Variants in DOCK8 observed in about 807,000 individuals in gnomAD.
DOCK8 encodes the protein dedicator of cytokinesis 8, also known as dedicator of cytokinesis protein 8.
A neutral mutation model predicts 245.6 loss-of-function variants in DOCK8; 141 were observed. That is an observed-to-expected ratio of 0.57 (90% CI 0.50 to 0.66). The LOEUF is 0.66. Ranked by LOEUF, DOCK8 falls within the 30% of genes least tolerant of loss-of-function variation. DOCK8 has a pLI of 0.00. For synonymous variants in DOCK8, 1,168 were observed against 970.2 expected, an observed-to-expected ratio of 1.20 and a Z score of -3.79; for missense variants, 2,965 against 2,603.4, an observed-to-expected ratio of 1.14 and a Z score of -3.02.
intron 26 of DOCK8, among the ~76,000 whole-genome samples, chr9:404,455 A>G (rs572740605): frequency 2.6e-5 from 4 of 152,258 alleles, no homozygotes; most frequent in Admixed American, 6.5e-5. Context: ...CAACTTTCCA[A>G]TGGGGCCTTT....
chr9:396,367 G>A (rs897937186), intron 24 of DOCK8, among the ~76,000 whole-genome samples: 1 of 152,186 alleles, frequency 6.6e-6, no homozygotes, highest in Non-Finnish European at 1.5e-5. Context: ...GAACAGAAAA[G>A]ACTTTAGTTC....
intron 14 of DOCK8, 156 bp downstream of exon 14, chr9:340,477 T>G: frequency 2.2e-6 from 2 of 913,002 alleles, no homozygotes; most frequent in Non-Finnish European, 1.7e-6. Flanking sequence ...AAAATTTAGC[T>G]GGGCATGGTG....
chr9:295,583 G>A (rs540389644), intron 4 of DOCK8, among the ~76,000 whole-genome samples: 2 of 152,300 alleles, frequency 1.3e-5, no homozygotes, highest in Non-Finnish European at 1.5e-5. Flanking sequence ...GGGGGGACCT[G>A]CCTTCCTCTG....
At chr9:316,947 A>AGCCGTG in intron 6 of DOCK8, 96 bp from the exon 7 acceptor site, 1 of 961,058 alleles carries the variant, frequency 1.0e-6, no homozygotes, top group East Asian at 2.4e-5. Context: ...AGTTAACTTG[A>AGCCGTG]GCCGTGGAGG....
chr9:283,244 A>G (rs2048666863), intron 2 of DOCK8, among the ~76,000 whole-genome samples: 1 of 152,236 alleles, frequency 6.6e-6, no homozygotes, highest in Admixed American at 6.5e-5. Flanking sequence ...TAAAATGAGC[A>G]TACAGGCTGA....
chr9:397,002 GA>G (rs1314985416), intron 25 of DOCK8, 68 bp downstream of exon 25: 1 of 1,483,114 alleles, frequency 6.7e-7, no homozygotes, highest in African/African-American at 1.4e-5. Flanking sequence ...CATAATCAGA[GA>G]AAAATAAGCA....
chr9:244,503 G>T (rs1402030136), intron 1 of DOCK8, among the ~76,000 whole-genome samples: 1 of 152,088 alleles, frequency 6.6e-6, no homozygotes, highest in East Asian at 1.9e-4. Flanking sequence ...GTCACAATTT[G>T]TAAGTCCTAA....
chr9:224,475 C>T (rs954125826), intron 1 of DOCK8, among the ~76,000 whole-genome samples: 3 of 152,082 alleles, frequency 2.0e-5, no homozygotes, highest in African/African-American at 7.2e-5. Flanking sequence ...ATATTTTGGC[C>T]TTCGTATGGC....
intron 24 of DOCK8, among the ~76,000 whole-genome samples, chr9:391,288 C>T (rs1263967268): frequency 2.0e-5 from 3 of 152,190 alleles, no homozygotes; most frequent in African/African-American, 7.2e-5. Context: ...TCCTTCTGAG[C>T]ACCCTATTTA....
intron 15 of DOCK8, 168 bp downstream of exon 15, chr9:368,303 C>A: frequency 1.3e-6 from 1 of 762,232 alleles, no homozygotes; most frequent in South Asian, 1.4e-5. Context: ...GAAACAGGGT[C>A]AGTCTTACTT....
At position 396,787 on chromosome 9, in the gene DOCK8, G is replaced by C; in HGVS notation, c.2973G>C (p.Val991=). 2 of 1,614,136 alleles carry C rather than the reference G, an allele frequency of 1.2e-6. No individual in the cohort carries two copies. Among genetic ancestry groups the C allele is most frequent in the Non-Finnish European group, 1.7e-6 (2 of 1,180,020 alleles). The part of the protein sequence containing the change: ...KYAWFFFELL[V]KSMAQHVHNM... ...ATTTCCTCCATCCCCCTCCGCAGGT[G>C]AAAAGCATGGCCCAGCACGTACATA... Residue 991 remains valine, a splice_region_variant and synonymous_variant, in exon 25 of 48, where the codon GTG becomes GTC. Transcript: ENST00000432829.
Position 281,913 on chromosome 9 carries a change from C to A in DOCK8, c.157-4548C>A, listed in dbSNP as rs147274966. The stretch of plus-strand genomic sequence containing the variant: ...GAAAGAGTAGGGGAGACGAACTATT[C>A]AATGTCAGCTTGGGTGTAGTGCCAG... On this transcript the variant is annotated intron_variant, in intron 2 of 47. Transcript: ENST00000432829. Among the ~76,000 whole-genome samples, 157 of 152,216 alleles carry A rather than the reference C, an allele frequency of 1.0e-3. 1 individual carries two copies. Among genetic ancestry groups the A allele is most frequent in the African/African-American group, 3.6e-3 (151 of 41,540 alleles).
chr9:273,199 A>G, intron 2 of DOCK8: 1 of 863,044 alleles, frequency 1.2e-6, no homozygotes, highest in African/African-American at 1.8e-5. Flanking sequence ...AGCATCTTTT[A>G]CTGCAGGAGG....
At chr9:449,059 A>G (rs2057350880) in intron 44 of DOCK8, among the ~76,000 whole-genome samples, 2 of 152,180 alleles carry the variant, frequency 1.3e-5, no homozygotes, top group Non-Finnish European at 2.9e-5. Context: ...TTGTAAGTTG[A>G]GTAACATGAG....
chr9:387,689 A>G (rs1050489677), intron 23 of DOCK8, among the ~76,000 whole-genome samples: 1 of 152,198 alleles, frequency 6.6e-6, no homozygotes, highest in Non-Finnish European at 1.5e-5. Flanking sequence ...GGATTTAACT[A>G]TAAAAGGAAA....
intron 1 of DOCK8, among the ~76,000 whole-genome samples, chr9:221,145 C>G (rs1163395877): frequency 6.6e-6 from 1 of 152,174 alleles, no homozygotes; most frequent in Non-Finnish European, 1.5e-5. Context: ...TGCAGCATTT[C>G]TGGTGAAACT....
chr9:336,800 TGATTAA>T, intron 12 of DOCK8, 82 bp downstream of exon 12: 1 of 1,555,392 alleles, frequency 6.4e-7, no homozygotes, highest in Non-Finnish European at 8.9e-7. Flanking sequence ...GGATACGTAG[TGATTAA>T]GAGAGCAAAT....
chr9:298,503 T>C (rs556888913), intron 4 of DOCK8, among the ~76,000 whole-genome samples: 60 of 152,276 alleles, frequency 3.9e-4, no homozygotes, highest in Non-Finnish European at 7.4e-4. Flanking sequence ...TCATAAAATA[T>C]TAAAGCTGGG....
intron 27 of DOCK8, among the ~76,000 whole-genome samples, chr9:405,909 C>G (rs982840320): frequency 5.3e-5 from 8 of 152,164 alleles, no homozygotes; most frequent in African/African-American, 1.9e-4. Context: ...TCCATCCTGC[C>G]CAGCAGCTTA....
Sources: gnomAD v4.1 joint callset for allele counts (sites outside exome capture counted in the v4.1 genomes callset) on GRCh38, gnomAD v4.1.1 for gene constraint, MANE v1.5 for transcripts, NCBI Gene and HGNC (gene_info 2026-07-23, HGNC 2026-07-21) for gene names.